PRKG1: variants seen among roughly 807,000 people sequenced by gnomAD.
PRKG1 encodes the protein cGMP-dependent protein kinase 1.
PRKG1 carries 35 observed loss-of-function variants against 88.1 expected under a neutral mutation model. The ratio of observed to expected loss-of-function variants is 0.40; its 90% CI spans 0.30 to 0.53. PRKG1 has a LOEUF of 0.53. PRKG1 is among the 20% of genes least tolerant of loss of function. The pLI is 0.59. For synonymous variants in PRKG1, 303 were observed against 292.5 expected, an observed-to-expected ratio of 1.04 and a Z score of -0.37; for missense variants, 540 against 839.8, an observed-to-expected ratio of 0.64 and a Z score of 4.41.
chr10:52,190,377 G>C (rs1394088884), intron 9 of PRKG1, among the ~76,000 whole-genome samples: 2 of 152,032 alleles, frequency 1.3e-5, no homozygotes, highest in Non-Finnish European at 2.9e-5. Flanking sequence ...GCATTCAAAA[G>C]CATTTTGTTA....
At chr10:52,146,667 T>C (rs979933320) in intron 8 of PRKG1, among the ~76,000 whole-genome samples, 15 of 152,214 alleles carry the variant, frequency 9.9e-5, no homozygotes, top group African/African-American at 3.4e-4. Flanking sequence ...ATAAAAACAC[T>C]TCATGTATAA....
chr10:52,004,522 T>A (rs980487601), intron 5 of PRKG1, among the ~76,000 whole-genome samples: 1 of 152,214 alleles, frequency 6.6e-6, no homozygotes, highest in Admixed American at 6.5e-5. Flanking sequence ...CCCCATCTAC[T>A]GGATAATGTG....
intron 2 of PRKG1, among the ~76,000 whole-genome samples, chr10:51,307,595 T>C (rs1841070728): frequency 6.6e-6 from 1 of 152,212 alleles, no homozygotes. Flanking sequence ...GTCTCTGAGT[T>C]TACTCACCTT....
At chr10:51,812,435 C>T (rs576904399) in intron 4 of PRKG1, among the ~76,000 whole-genome samples, 1 of 152,250 alleles carries the variant, frequency 6.6e-6, no homozygotes, top group Non-Finnish European at 1.5e-5. Flanking sequence ...GAATCGGGCC[C>T]TTTTTGTTGA....
chr10:51,406,887 T>C (rs1273061969), intron 2 of PRKG1, among the ~76,000 whole-genome samples: 2 of 152,054 alleles, frequency 1.3e-5, no homozygotes, highest in African/African-American at 4.8e-5. Flanking sequence ...GATCAGAAGG[T>C]CCCACAATCA....
chr10:51,778,846 G>A (rs951922608), intron 3 of PRKG1, among the ~76,000 whole-genome samples: 1 of 152,156 alleles, frequency 6.6e-6, no homozygotes, highest in Non-Finnish European at 1.5e-5. Flanking sequence ...CCGGATGTCA[G>A]TACTTCAGAG....
At chr10:51,542,521 G>T (rs1446757330) in intron 3 of PRKG1, among the ~76,000 whole-genome samples, 1 of 152,030 alleles carries the variant, frequency 6.6e-6, no homozygotes, top group Non-Finnish European at 1.5e-5. Flanking sequence ...TTTCTTCTAT[G>T]TTCTTTGATT....
intron 3 of PRKG1, among the ~76,000 whole-genome samples, chr10:51,771,093 T>C (rs184286733): frequency 1.1e-3 from 172 of 152,314 alleles, no homozygotes; most frequent in Middle Eastern, 3.4e-3. Flanking sequence ...CACAATGTAT[T>C]TTTGTATCTG....
intron 3 of PRKG1, among the ~76,000 whole-genome samples, chr10:51,753,639 A>ATT (rs879329139): frequency 7.2e-5 from 11 of 152,170 alleles, no homozygotes; most frequent in Non-Finnish European, 1.5e-4. Context: ...TGCCTTGTTC[A>ATT]TAGTAAGCCT....
intron 2 of PRKG1, among the ~76,000 whole-genome samples, chr10:51,346,572 G>A (rs1842118621): frequency 6.6e-6 from 1 of 152,086 alleles, no homozygotes; most frequent in South Asian, 2.1e-4. Context: ...ACTGATTTGA[G>A]GGCCATATAG....
At chr10:52,015,757 A>G (rs1479106490) in intron 5 of PRKG1, among the ~76,000 whole-genome samples, 1 of 152,240 alleles carries the variant, frequency 6.6e-6, no homozygotes, top group South Asian at 2.1e-4. Context: ...CATCCAGGTT[A>G]TATACTGAAT....
At chr10:51,033,187 G>A (rs1268528069) in intron 1 of PRKG1, among the ~76,000 whole-genome samples, 2 of 152,036 alleles carry the variant, frequency 1.3e-5, no homozygotes, top group African/African-American at 2.4e-5. Flanking sequence ...TTACTCATAG[G>A]ACATCTTCAT....
At chr10:51,622,051 T>C (rs1839223662) in intron 3 of PRKG1, among the ~76,000 whole-genome samples, 1 of 152,232 alleles carries the variant, frequency 6.6e-6, no homozygotes, top group Non-Finnish European at 1.5e-5. Flanking sequence ...TTCCAACTAT[T>C]TGATGTATGC....
chr10:51,585,985 T>G (rs7903763), intron 3 of PRKG1, among the ~76,000 whole-genome samples: 140,865 of 152,144 alleles, frequency 0.93, 65,295 homozygotes, highest in East Asian at 1. Flanking sequence ...AGTGGGGAGG[T>G]AGGGCAAGAG....
At chr10:51,973,301 C>T (rs1030590730) in intron 5 of PRKG1, among the ~76,000 whole-genome samples, 2 of 152,152 alleles carry the variant, frequency 1.3e-5, no homozygotes, top group East Asian at 1.9e-4. Flanking sequence ...ATGAATCTCA[C>T]GCTGCCTCCC....
At chr10:52,165,702 T>A (rs2132696376) in intron 9 of PRKG1, among the ~76,000 whole-genome samples, 1 of 152,304 alleles carries the variant, frequency 6.6e-6, no homozygotes, top group South Asian at 2.1e-4. Context: ...TTATCCATAG[T>A]CTCATTGACT....
Position 51,020,959 on chromosome 10 carries a change from T to TA in PRKG1, c.266+29316dup, listed in dbSNP as rs559266703. 1.3e-4 allele frequency among the ~76,000 whole-genome samples: 20 copies of TA among 152,324 alleles called. No homozygotes were observed. In the South Asian group the frequency reaches 1.7e-3, roughly 13 times the overall value. On this transcript the variant is annotated intron_variant, in intron 1 of 17. Coordinates refer to the PRKG1 transcript ENST00000401604. ...GACCATCTTTGGAATTTGGAGTCCA[T>TA]ACTTGTAGTTTAATAAAGTATTTGT...
At chr10:51,230,180 A>C (rs1838805347) in intron 2 of PRKG1, among the ~76,000 whole-genome samples, 1 of 152,174 alleles carries the variant, frequency 6.6e-6, no homozygotes, top group Admixed American at 6.5e-5. Context: ...AAAATGAATT[A>C]GTTGTGGGAA....
In PRKG1 at chr10:51,251,579, T is replaced by C. The variant is rs757227416; in HGVS notation, c.478+98249T>C. On this transcript the variant is annotated intron_variant, in intron 2 of 17. Coordinates refer to ENST00000373980, the MANE Select transcript of PRKG1 (RefSeq NM_006258.4). ...TGGTAATTGAATAAAGTTCAACTTA[T>C]ATGAAGAAATCTTTAGGAACACAGA... Among the ~76,000 whole-genome samples the C allele has an allele frequency of 4.3e-4, 65 of 150,222 alleles. 2 individuals carry two copies. The highest frequency in any genetic ancestry group is 1.5e-4 in the Non-Finnish European group (10 of 67,744).
Sources: allele counts gnomAD v4.1 joint callset (sites outside exome capture counted in the v4.1 genomes callset), GRCh38; gene constraint gnomAD v4.1.1; transcripts MANE v1.5; gene names NCBI Gene and HGNC (gene_info 2026-07-23, HGNC 2026-07-21).